OCA2: variants seen among roughly 807,000 people sequenced by gnomAD.
OCA2 encodes P protein.
OCA2 carries 77 observed loss-of-function variants against 100.2 expected under a neutral mutation model. The observed-to-expected ratio is 0.77, with a 90% CI of 0.64 to 0.93. OCA2 has a LOEUF of 0.93. Among genes scored for constraint, OCA2 ranks in the 40% least tolerant of loss-of-function variants. OCA2 has a pLI of 0.00. For synonymous variants in OCA2, 432 were observed against 439.2 expected, an observed-to-expected ratio of 0.98 and a Z score of 0.21; for missense variants, 1,062 against 1,089.1, an observed-to-expected ratio of 0.98 and a Z score of 0.35.
chr15:28,008,385 T>A (rs547973798), intron 9 of OCA2, among the ~76,000 whole-genome samples: 3 of 152,388 alleles, frequency 2.0e-5, no homozygotes, highest in African/African-American at 7.2e-5. Flanking sequence ...AAGCAAGCAT[T>A]AGCTCATAGC....
At chr15:27,845,827 C>G (rs567203399) in intron 22 of OCA2, among the ~76,000 whole-genome samples, 2 of 152,208 alleles carry the variant, frequency 1.3e-5, no homozygotes, top group African/African-American at 4.8e-5. Flanking sequence ...CTCCATCTCT[C>G]TCTCCTTCTA....
intron 19 of OCA2, among the ~76,000 whole-genome samples, chr15:27,907,195 C>G (rs531329724): frequency 1.3e-4 from 20 of 152,272 alleles, no homozygotes; most frequent in African/African-American, 4.3e-4. Context: ...ACAAAAACCT[C>G]TTTGCTGCCA....
intron 7 of OCA2, among the ~76,000 whole-genome samples, chr15:28,017,336 G>C (rs565784079): frequency 7.4e-4 from 112 of 152,224 alleles, no homozygotes; most frequent in African/African-American, 2.5e-3. Flanking sequence ...CACCCCAAGA[G>C]AGCAGGGAGG....
intron 23 of OCA2, among the ~76,000 whole-genome samples, chr15:27,765,762 G>C (rs34244593): frequency 0.053 from 8,087 of 152,234 alleles, 305 homozygotes; most frequent in South Asian, 0.13. Context: ...TAATAAGCCC[G>C]ACCCTCGGTT....
intron 21 of OCA2, among the ~76,000 whole-genome samples, chr15:27,865,848 C>T (rs529706401): frequency 2.0e-4 from 31 of 152,264 alleles, no homozygotes; most frequent in Admixed American, 1.6e-3. Flanking sequence ...ACTAGACCCG[C>T]GTTGCCACCC....
At chr15:28,080,658 C>T (rs1052997264) in intron 2 of OCA2, among the ~76,000 whole-genome samples, 3 of 152,214 alleles carry the variant, frequency 2.0e-5, no homozygotes, top group South Asian at 2.1e-4. Context: ...TTCTGTGGTG[C>T]TTTGTTAAAG....
the OCA2 span, among the ~76,000 whole-genome samples, chr15:27,731,432 G>T: frequency 6.6e-6 from 1 of 152,268 alleles, no homozygotes; most frequent in South Asian, 2.1e-4. Context: ...AATGTTGATG[G>T]TATTTTGTTT....
At chr15:28,001,841 G>A (rs1049889155) in intron 9 of OCA2, among the ~76,000 whole-genome samples, 2 of 152,194 alleles carry the variant, frequency 1.3e-5, no homozygotes, top group East Asian at 3.9e-4. Flanking sequence ...CAAATGCCCA[G>A]CCGGGCAGAG....
intron 3 of OCA2, 66 bp from the exon 4 acceptor site, chr15:28,028,125 C>CT: frequency 3.8e-6 from 6 of 1,571,502 alleles, no homozygotes; most frequent in Non-Finnish European, 5.3e-6. Context: ...AAGCTTTCCT[C>CT]TGAGTTCTGA....
intron 2 of OCA2, among the ~76,000 whole-genome samples, chr15:28,049,003 A>G (rs972888541): frequency 2.0e-5 from 3 of 152,220 alleles, no homozygotes; most frequent in African/African-American, 4.8e-5. Flanking sequence ...CCCTGTCTCA[A>G]AAACAAGAGA....
intron 2 of OCA2, among the ~76,000 whole-genome samples, chr15:28,078,000 A>T (rs1206412065): frequency 2.0e-5 from 3 of 152,200 alleles, no homozygotes; most frequent in African/African-American, 4.8e-5. Context: ...AATCGCCTGA[A>T]CCTGGGAGGC....
chr15:27,769,280 T>G (rs922516786), intron 23 of OCA2, among the ~76,000 whole-genome samples: 1 of 152,232 alleles, frequency 6.6e-6, no homozygotes, highest in Non-Finnish European at 1.5e-5. Context: ...ACACGTCAGA[T>G]GGACGCCCAC....
At position 27,966,840 on chromosome 15, in the gene OCA2, G is replaced by A. The variant is rs770352097; in HGVS notation, c.1504-18C>T. 3.4e-5 allele frequency: 55 copies of A among 1,602,286 alleles called. No individual in the cohort carries two copies. The highest frequency in any genetic ancestry group is 4.6e-5 in the Non-Finnish European group (54 of 1,174,178). ...TCCAGGCCCTGGAAATAAACAAGGGGAAATGAAATGGCAGCCCAGGCATGG... is the reference window on the plus strand; with the variant it reads ...TCCAGGCCCTGGAAATAAACAAGGGAAAATGAAATGGCAGCCCAGGCATGG... On this transcript the variant is annotated intron_variant, in intron 14 of 23. Transcript: ENST00000354638.
At chr15:28,015,254 GCTAA>G (rs1470679873) in intron 8 of OCA2, among the ~76,000 whole-genome samples, 1 of 152,158 alleles carries the variant, frequency 6.6e-6, no homozygotes, top group African/African-American at 2.4e-5. Flanking sequence ...CAGTTTACCT[GCTAA>G]CTAAGAGCAA....
At chr15:27,754,513 G>C (rs563426232), downstream of OCA2, among the ~76,000 whole-genome samples, 37 of 152,308 alleles carry the variant, frequency 2.4e-4, no homozygotes, top group African/African-American at 8.4e-4. Context: ...CAGAGCAGAG[G>C]AGACCTCGCA....
In OCA2 at chr15:27,831,284, C is replaced by CAAAAAAA. The variant is rs71132824; in HGVS notation, c.2432+13668_2432+13674dup. Among the ~76,000 whole-genome samples, 209 of 62,614 alleles carry CAAAAAAA rather than the reference C, an allele frequency of 3.3e-3. 20 individuals are homozygous for CAAAAAAA. The highest frequency in any genetic ancestry group is 0.012 in the African/African-American group (191 of 15,638). The allele number at this position is 62,614 out of a possible 152,430, so 41.1% of individuals were successfully genotyped here. A position where few individuals can be genotyped will look rare whatever the true frequency, so the allele number is the denominator to read the frequency against. ...CTGGTGACAGAGCGAGACTCCGTCT[C>CAAAAAAA]AAAAAAAAAAAAAAAAAAAAAATCG... On this transcript the variant is annotated intron_variant, in intron 23 of 23. Coordinates refer to ENST00000354638, the MANE Select transcript of OCA2 (RefSeq NM_000275.3).
chr15:27,916,748 A>C (rs1054732650), intron 19 of OCA2, among the ~76,000 whole-genome samples: 2 of 152,194 alleles, frequency 1.3e-5, no homozygotes, highest in Admixed American at 6.5e-5. Flanking sequence ...AAGTCAGTGC[A>C]ACATAAATCA....
At chr15:27,752,179 A>C (rs1405557224), downstream of OCA2, among the ~76,000 whole-genome samples, 1 of 152,174 alleles carries the variant, frequency 6.6e-6, no homozygotes, top group African/African-American at 2.4e-5. Context: ...CAGACCCTTC[A>C]TCTGGATTTT....
rs143144230 is a variant in OCA2, at chr15:27,871,011, G to A, written c.2244+143C>T. 3.5e-4 allele frequency: 249 copies of A among 721,602 alleles called. 1 individual carries two copies. The East Asian group carries it at 6.4e-3, about 19-fold the overall frequency. 44.7% of individuals were successfully genotyped at this position (721,602 alleles called of 1,614,324 possible). On this transcript the variant is annotated intron_variant, in intron 21 of 23. Transcript: ENST00000354638. Reference sequence around the variant, plus strand: ...TCGGCACTCCCCACCCAGCTGCCCTGGGCTCTGCTCACTTTCGTCCTCTAC... The same window carrying A: ...TCGGCACTCCCCACCCAGCTGCCCTAGGCTCTGCTCACTTTCGTCCTCTAC...
Sources: gnomAD v4.1 joint callset for allele counts (sites outside exome capture counted in the v4.1 genomes callset) on GRCh38, gnomAD v4.1.1 for gene constraint, MANE v1.5 for transcripts, NCBI Gene and HGNC (gene_info 2026-07-23, HGNC 2026-07-21) for gene names.